The following ENTREP2 variants were observed in gnomAD, a reference collection of about 807,000 sequenced individuals.
ENTREP2 encodes the protein protein ENTREP2.
the ENTREP2 span, among the ~76,000 whole-genome samples, chr15:29,299,212 T>A: frequency 6.6e-6 from 1 of 152,230 alleles, no homozygotes; most frequent in Non-Finnish European, 1.5e-5. Context: ...TTTAGGAGTT[T>A]TGGCTACAGC....
the ENTREP2 span, among the ~76,000 whole-genome samples, chr15:29,245,931 A>G: frequency 6.6e-6 from 1 of 152,186 alleles, no homozygotes; most frequent in Non-Finnish European, 1.5e-5. Context: ...AAGATTCTAA[A>G]TTTAAAGTGC....
chr15:29,157,669 TTAAG>T, the ENTREP2 span, among the ~76,000 whole-genome samples: 1 of 152,152 alleles, frequency 6.6e-6, no homozygotes, highest in Non-Finnish European at 1.5e-5. Flanking sequence ...ATTAGAACTC[TTAAG>T]TATGTATTTT....
chr15:29,542,472 G>C, the ENTREP2 span, among the ~76,000 whole-genome samples: 1 of 117,868 alleles, frequency 8.5e-6, no homozygotes, highest in Non-Finnish European at 1.7e-5. Context: ...CTAATTTGTT[G>C]TATTTTTTTT....
At chr15:29,123,431 G>A in the ENTREP2 span, 1 of 1,551,630 alleles carries the variant, frequency 6.4e-7, no homozygotes, top group Non-Finnish European at 8.7e-7. Flanking sequence ...CCCACCATGT[G>A]CTGTGCCTCG....
chr15:29,156,430 C>T, the ENTREP2 span, among the ~76,000 whole-genome samples: 3 of 152,078 alleles, frequency 2.0e-5, no homozygotes, highest in Non-Finnish European at 4.4e-5. Flanking sequence ...TCAGGTGATC[C>T]ACCCTCCTCG....
At chr15:29,354,827 G>GA in the ENTREP2 span, among the ~76,000 whole-genome samples, 1 of 152,066 alleles carries the variant, frequency 6.6e-6, no homozygotes, top group Non-Finnish European at 1.5e-5. Context: ...TGCAAAAAAA[G>GA]AAAAAACTGG....
chr15:29,308,892 C>T, the ENTREP2 span, among the ~76,000 whole-genome samples: 46,157 of 151,974 alleles, frequency 0.3, 7,006 homozygotes, highest in African/African-American at 0.31. Flanking sequence ...AAACATTCTT[C>T]GATGGGGAGG....
chr15:29,610,888 A>T, the ENTREP2 span: 1 of 135,698 alleles, frequency 7.4e-6, no homozygotes. Flanking sequence ...TATTCCAATG[A>T]TCCCTTCACC....
the ENTREP2 span, among the ~76,000 whole-genome samples, chr15:29,577,378 G>C: frequency 6.6e-6 from 1 of 150,966 alleles, no homozygotes; most frequent in African/African-American, 2.4e-5. Flanking sequence ...ACGTGTGATA[G>C]GGTGTTACTC....
At chr15:29,270,554 C>T in the ENTREP2 span, among the ~76,000 whole-genome samples, 1 of 152,230 alleles carries the variant, frequency 6.6e-6, no homozygotes, top group African/African-American at 2.4e-5. Context: ...CAAACGTGCA[C>T]TCTCAAGAGA....
the ENTREP2 span, among the ~76,000 whole-genome samples, chr15:29,309,580 G>A: frequency 6.6e-6 from 1 of 152,116 alleles, no homozygotes; most frequent in Admixed American, 6.5e-5. Flanking sequence ...AGGAGTTTGA[G>A]ACCAGCATGG....
the ENTREP2 span, among the ~76,000 whole-genome samples, chr15:29,657,010 T>TGCCTTCAAGAACGAAGCCGG: frequency 6.6e-6 from 1 of 152,190 alleles, no homozygotes; most frequent in East Asian, 1.9e-4. Flanking sequence ...GTGGTCTCGC[T>TGCCTTCAAGAACGAAGCCGG]GCCTTCAAGA....
the ENTREP2 span, among the ~76,000 whole-genome samples, chr15:29,348,736 G>C: frequency 6.6e-6 from 1 of 152,228 alleles, no homozygotes; most frequent in African/African-American, 2.4e-5. Flanking sequence ...AGGCCATAAA[G>C]AAGTCACACA....
At chr15:29,636,300 A>G in the ENTREP2 span, among the ~76,000 whole-genome samples, 1 of 152,178 alleles carries the variant, frequency 6.6e-6, no homozygotes. Flanking sequence ...ATGGAACGTT[A>G]GCAGTTGAGG....
the ENTREP2 span, among the ~76,000 whole-genome samples, chr15:29,460,541 A>T: frequency 6.6e-6 from 1 of 151,914 alleles, no homozygotes; most frequent in Non-Finnish European, 1.5e-5. Flanking sequence ...CTGAGGCAGG[A>T]GAATCACTTG....
the ENTREP2 span, among the ~76,000 whole-genome samples, chr15:29,205,292 A>C: frequency 2.0e-5 from 3 of 152,212 alleles, no homozygotes; most frequent in African/African-American, 7.2e-5. Context: ...GGGTGTGCAC[A>C]TATCTATTTG....
At chr15:29,424,116 A>G in the ENTREP2 span, among the ~76,000 whole-genome samples, 1 of 152,184 alleles carries the variant, frequency 6.6e-6, no homozygotes, top group Non-Finnish European at 1.5e-5. Context: ...CACTGACTTC[A>G]GGAAGGAAGC....
At chr15:29,614,159 C>G in the ENTREP2 span, 1 of 153,408 alleles carries the variant, frequency 6.5e-6, no homozygotes, top group African/African-American at 2.4e-5. Context: ...GGGCAGTTCC[C>G]TGCTGTATTG....
the ENTREP2 span, among the ~76,000 whole-genome samples, chr15:29,537,015 T>C: frequency 6.6e-6 from 1 of 152,188 alleles, no homozygotes; most frequent in Non-Finnish European, 1.5e-5. Flanking sequence ...GAAATTTCTA[T>C]TGTTTTAAGC....
Sources: gnomAD v4.1 joint callset for allele counts (sites outside exome capture counted in the v4.1 genomes callset) on GRCh38, gnomAD v4.1.1 for gene constraint, MANE v1.5 for transcripts, NCBI Gene and HGNC (gene_info 2026-07-23, HGNC 2026-07-21) for gene names.